The following MYO9B variants were observed in gnomAD, a reference collection of about 807,000 sequenced individuals.
The protein encoded by MYO9B is unconventional myosin-IXb.
In MYO9B, 71 loss-of-function variants were observed where a neutral mutation model predicts 229.5. The observed-to-expected ratio is 0.31, with a 90% confidence interval of 0.26 to 0.38. The LOEUF (loss-of-function observed/expected upper bound fraction) is 0.38. Ranked by LOEUF, MYO9B falls within the 10% of genes least tolerant of loss-of-function variation. The pLI, the probability that MYO9B is intolerant of heterozygous loss-of-function variation, is 1.00. For synonymous variants in MYO9B, 1,185 were observed against 1,235.8 expected (o/e 0.96, Z 0.86); for missense variants, 2,255 against 2,920.5 (o/e 0.77, Z 5.25).
At chr19:17,118,272 A>G (rs1234375341) in intron 2 of MYO9B, among the ~76,000 whole-genome samples, 1 of 151,938 alleles carries the variant, frequency 6.6e-6, no homozygotes, top group Non-Finnish European at 1.5e-5. Context: ...CGCTCTGGAC[A>G]GAATCTGCAG....
intron 22 of MYO9B, among the ~76,000 whole-genome samples, chr19:17,196,721 AGATAGATGCCGAC>A (rs1195556717): frequency 6.6e-6 from 1 of 151,718 alleles, no homozygotes; most frequent in Non-Finnish European, 1.5e-5. Flanking sequence ...GATAGAAGGA[AGATAGATGCCGAC>A]GATAGATGGA....
Position 17,185,001 on chromosome 19 carries a change from G to T in MYO9B, c.2496+14G>T, listed in dbSNP as rs751473082. 1 of 1,613,798 alleles carries T rather than the reference G, an allele frequency of 6.2e-7. No homozygotes were observed. The highest frequency in any genetic ancestry group is 1.1e-5 in the South Asian group (1 of 91,072). On this transcript the variant is annotated intron_variant, in intron 17 of 39. Transcript: ENST00000682292. ...GCCCAGTTCCAGGTAGGTGGAGCAGGAGAGGCAGAAGGTGGCGGTCAGCTC... is the reference window on the plus strand; with the variant it reads ...GCCCAGTTCCAGGTAGGTGGAGCAGTAGAGGCAGAAGGTGGCGGTCAGCTC...
In MYO9B at chr19:17,195,431, G is replaced by A. The variant is rs1302662802; in HGVS notation, c.4004G>A (p.Ser1335Asn). The A allele has an allele frequency of 1.9e-6, 3 of 1,606,570 alleles. No homozygotes were observed. Among genetic ancestry groups the A allele is most frequent in the African/African-American group, 2.7e-5 (2 of 74,890 alleles). ...SAMLSQSLDLSDRHRATGAAL... is the reference protein window; with the variant it reads ...SAMLSQSLDLNDRHRATGAAL... ...ATGCTCAGCCAGTCCCTGGACCTCA[G>A]CGACAGACACCGGGCCACAGGGGCC... The change falls in exon 22 of 40, where the codon AGC becomes AAC. Residue 1335 changes from serine to asparagine, a missense_variant. Ser to Asn is a conservative substitution (Grantham distance 46, BLOSUM62 1). Transcript: ENST00000682292. The surrounding 1 kb of genome is among the most constrained non-coding windows in gnomAD (Gnocchi z 4.5).
rs188225576 is a variant in MYO9B, at chr19:17,208,151, A to T, written c.5624+907A>T. On this transcript the variant is annotated intron_variant, in intron 35 of 39. Transcript: ENST00000682292. ...GGGCAACAGAGTGAGACTCCGTCTCAAAAAGAAAATTTAAAAAAATAAAAA... is the reference window on the plus strand; with the variant it reads ...GGGCAACAGAGTGAGACTCCGTCTCTAAAAGAAAATTTAAAAAAATAAAAA... 2.6e-4 allele frequency: 40 copies of T among 151,456 alleles called. No homozygotes were observed. The Middle Eastern group carries it at 0.014, about 52-fold the overall frequency. 9.4% of individuals were successfully genotyped at this position (151,456 alleles called of 1,614,324 possible). A position where few individuals can be genotyped will look rare whatever the true frequency, so the allele number is the denominator to read the frequency against.
intron 7 of MYO9B, chr19:17,157,638 G>A (rs755459491): frequency 4.5e-5 from 7 of 155,606 alleles, no homozygotes; most frequent in African/African-American, 7.2e-5. Context: ...TCAGCTACTC[G>A]GGAGACCGAG....
chr19:17,116,170 C>T (rs2057901410), intron 2 of MYO9B, among the ~76,000 whole-genome samples: 1 of 152,202 alleles, frequency 6.6e-6, no homozygotes, highest in Admixed American at 6.5e-5. Flanking sequence ...TTTCCAGCTG[C>T]CTCCTGGGCT....
intron 1 of MYO9B, among the ~76,000 whole-genome samples, chr19:17,082,605 T>C (rs80307642): frequency 0.018 from 2,745 of 152,156 alleles, 37 homozygotes; most frequent in South Asian, 0.044. Flanking sequence ...GGGGCTTTAA[T>C]TTCCTGGTGA....
chr19:17,098,222 T>C (rs2057711607), intron 1 of MYO9B, among the ~76,000 whole-genome samples: 1 of 152,120 alleles, frequency 6.6e-6, no homozygotes, highest in Admixed American at 6.5e-5. Context: ...GCCCGGCTAA[T>C]TTTTGTATTT....
intron 13 of MYO9B, among the ~76,000 whole-genome samples, 171 bp downstream of exon 13, chr19:17,173,134 G>C (rs1009250653): frequency 6.6e-6 from 1 of 151,940 alleles, no homozygotes; most frequent in African/African-American, 2.4e-5. Flanking sequence ...CTCGACCTGC[G>C]TGTGTAATTT....
intron 2 of MYO9B, among the ~76,000 whole-genome samples, chr19:17,138,409 T>C (rs1213168802): frequency 6.6e-6 from 1 of 152,178 alleles, no homozygotes; most frequent in Non-Finnish European, 1.5e-5. Context: ...CCTTTGGGTA[T>C]ATGCCCAGTA....
chr19:17,170,079 T>G (rs1401893171), intron 11 of MYO9B, among the ~76,000 whole-genome samples: 2 of 151,658 alleles, frequency 1.3e-5, no homozygotes, highest in East Asian at 3.9e-4. Flanking sequence ...TTTTTTTTTG[T>G]AGAGATGGAA....
intron 2 of MYO9B, among the ~76,000 whole-genome samples, chr19:17,131,645 A>C (rs2072197482): frequency 6.6e-6 from 1 of 152,168 alleles, no homozygotes; most frequent in Admixed American, 6.6e-5. Flanking sequence ...TCTCAAAGGC[A>C]GGGGCGTTTG....
chr19:17,096,736 C>T (rs557258109), intron 1 of MYO9B, among the ~76,000 whole-genome samples: 165 of 135,944 alleles, frequency 1.2e-3, no homozygotes, highest in African/African-American at 4.3e-3. Context: ...GACGGAGTCT[C>T]GCTCTGTCGC....
At chr19:17,189,249 C>T (rs1302625103) in intron 19 of MYO9B, among the ~76,000 whole-genome samples, 1 of 152,024 alleles carries the variant, frequency 6.6e-6, no homozygotes, top group Non-Finnish European at 1.5e-5. Context: ...TCACTTGAAC[C>T]CAAGTAGTTT....
chr19:17,086,879 C>CA (rs11463253), intron 1 of MYO9B, among the ~76,000 whole-genome samples: 114,724 of 146,004 alleles, frequency 0.79, 45,679 homozygotes, highest in African/African-American at 0.94. Flanking sequence ...GACTTCGTCT[C>CA]AAAAAAAAAA....
chr19:17,184,973 A>G lies in MYO9B; in HGVS notation c.2482A>G (p.Ser828Gly). The G allele has an allele frequency of 6.2e-7, 1 of 1,613,946 alleles. No homozygotes were observed. The highest frequency in any genetic ancestry group is 8.5e-7 in the Non-Finnish European group (1 of 1,179,836). Residue 828 changes from serine to glycine, a missense_variant, in exon 17 of 40, where the codon AGC becomes GGC. Physicochemically the swap from Ser to Gly is moderately conservative, Grantham distance 56. This residue lies in a region of MYO9B where 68 missense variants were observed against 133.5 expected (regional missense o/e 0.51). Transcript: ENST00000682292. ...CAAGAAGAAAAAGCCACCAAGCATC[A>G]GCGCCCAGTTCCAGGTAGGTGGAGC... ...LHKKKKPPSI[S>G]AQFQTSLNKL... is the part of the protein sequence containing the mutation.
In MYO9B at chr19:17,195,078, G is replaced by C. The variant is rs371408965; in HGVS notation, c.3651G>C (p.Gln1217His). The stretch of plus-strand genomic sequence containing the variant: ...AGGCTGAGAACACATCTCAAAAGCA[G>C]CCCACAGAGCAACCCCAGGCCATGG... ...ETEAENTSQK[Q>H]PTEQPQAMAV... The change falls in exon 22 of 40, where the codon CAG becomes CAC. Residue 1217 changes from glutamine to histidine, a missense_variant. Around this residue, in one of 7 missense-constraint regions of MYO9B, gnomAD observed 679 missense variants for 770.2 expected, o/e 0.88. Transcript: ENST00000682292. This position sits in a 1 kb window ranked among gnomAD's most constrained non-coding sequence, Gnocchi z 4.5. 14 of 1,612,934 alleles carry C rather than the reference G, an allele frequency of 8.7e-6. No individual in the cohort carries two copies. In the African/African-American group the frequency reaches 1.6e-4, roughly 18 times the overall value.
chr19:17,206,594 T>C, intron 33 of MYO9B, 85 bp from the exon 34 acceptor site: 1 of 1,349,280 alleles, frequency 7.4e-7, no homozygotes, highest in Non-Finnish European at 1.0e-6. Context: ...GGATGGCACC[T>C]GTGCATCTCA....
At chr19:17,113,685 A>G (rs1008368399) in intron 2 of MYO9B, among the ~76,000 whole-genome samples, 11 of 152,054 alleles carry the variant, frequency 7.2e-5, no homozygotes, top group South Asian at 2.1e-4. Flanking sequence ...GATAGAATCA[A>G]TCTCTGGCTG....
Sources: allele counts gnomAD v4.1 joint callset (sites outside exome capture counted in the v4.1 genomes callset), GRCh38; gene constraint gnomAD v4.1.1; regional missense constraint gnomAD v4.1.1; non-coding constraint Gnocchi (gnomAD v3.1); transcripts MANE v1.5; gene names NCBI Gene and HGNC (gene_info 2026-07-23, HGNC 2026-07-21).